Variants in GRM5 observed in about 807,000 individuals in gnomAD.
GRM5 encodes the protein glutamate metabotropic receptor 5.
Under a neutral mutation model 83.1 loss-of-function variants are expected in GRM5, and 19 were observed. The ratio of observed to expected loss-of-function variants is 0.23; its 90% CI spans 0.16 to 0.34. The LOEUF (loss-of-function observed/expected upper bound fraction) is 0.34. Ranked by LOEUF, GRM5 falls within the 10% of genes least tolerant of loss-of-function variation. The pLI, the probability that GRM5 is intolerant of heterozygous loss-of-function variation, is 1.00. For missense variants in GRM5, 1,160 were observed against 1,588.3 expected (o/e 0.73, Z 4.58); for synonymous variants, 675 against 633.6 (o/e 1.07, Z -0.98).
intron 3 of GRM5, among the ~76,000 whole-genome samples, chr11:88,728,347 G>A (rs1287580181): frequency 1.3e-5 from 2 of 151,970 alleles, no homozygotes; most frequent in Non-Finnish European, 2.9e-5. Flanking sequence ...TCCCTGAATA[G>A]ACTAATAACA....
intron 8 of GRM5, among the ~76,000 whole-genome samples, chr11:88,551,478 C>T (rs1942505478): frequency 6.6e-6 from 1 of 152,128 alleles, no homozygotes; most frequent in Non-Finnish European, 1.5e-5. Context: ...ATTAATTTTC[C>T]CTGATAGTAA....
At chr11:88,779,438 GAAGTT>G (rs1254775652) in intron 3 of GRM5, among the ~76,000 whole-genome samples, 1 of 152,194 alleles carries the variant, frequency 6.6e-6, no homozygotes. Context: ...TACTGCAACA[GAAGTT>G]AAGGAGGAAG....
chr11:88,668,297 G>GCGCACACACA (rs1391845794), intron 3 of GRM5, among the ~76,000 whole-genome samples: 5 of 130,034 alleles, frequency 3.8e-5, no homozygotes, highest in African/African-American at 1.5e-4. Flanking sequence ...CCAGAAACTC[G>GCGCACACACA]CACACACACA....
At chr11:88,687,920 T>C (rs924000862) in intron 3 of GRM5, among the ~76,000 whole-genome samples, 9 of 152,078 alleles carry the variant, frequency 5.9e-5, no homozygotes, top group Non-Finnish European at 1.2e-4. Context: ...AATTGCAATC[T>C]TCCTTCCGCC....
At position 88,511,477 on chromosome 11, in the gene GRM5, C is replaced by T. The variant is rs147257799; in HGVS notation, c.2727-1973G>A. Among the ~76,000 whole-genome samples the T allele has an allele frequency of 5.9e-3, 902 of 152,316 alleles. 11 individuals are homozygous for T. Among genetic ancestry groups the T allele is most frequent in the African/African-American group, 0.02 (849 of 41,572 alleles). On this transcript the variant is annotated intron_variant, in intron 9 of 9. Coordinates refer to ENST00000305447, the MANE Select transcript of GRM5 (RefSeq NM_001143831.3). Reference sequence around the variant, plus strand: ...CCTTTCTACTTCATGGTCTTTCTTTCTCCGCTCTTTCCTGTGAAATTTCTT... The same window carrying T: ...CCTTTCTACTTCATGGTCTTTCTTTTTCCGCTCTTTCCTGTGAAATTTCTT...
At position 88,650,419 on chromosome 11, in the gene GRM5, C is replaced by T. The variant is rs534618761; in HGVS notation, c.1147+2749G>A. ...TCTTGAACAGACACAAAAGAGGATA[C>T]CAGCTTTCCAAAAACATGAAAAGGA... On this transcript the variant is annotated intron_variant, in intron 4 of 9. Transcript: ENST00000305447. Among the ~76,000 whole-genome samples, 6 of 151,940 alleles carry T rather than the reference C, an allele frequency of 3.9e-5. No homozygotes were observed. In the East Asian group the frequency reaches 7.7e-4, roughly 20 times the overall value.
intron 4 of GRM5, among the ~76,000 whole-genome samples, chr11:88,642,428 C>T (rs1260629418): frequency 6.6e-6 from 1 of 152,112 alleles, no homozygotes; most frequent in African/African-American, 2.4e-5. Context: ...GCACTTGGTT[C>T]CCTTTTAGTT....
At chr11:88,629,625 C>T (rs979940700) in intron 4 of GRM5, among the ~76,000 whole-genome samples, 2 of 152,134 alleles carry the variant, frequency 1.3e-5, no homozygotes, top group Admixed American at 1.3e-4. Flanking sequence ...CTTACCCATA[C>T]CACACTCGCT....
intron 2 of GRM5, among the ~76,000 whole-genome samples, chr11:88,969,692 T>G (rs1939108138): frequency 6.6e-6 from 1 of 152,184 alleles, no homozygotes. Flanking sequence ...TTACATCTTT[T>G]GCTTTAGACA....
chr11:88,790,290 C>T (rs891210515), intron 3 of GRM5, among the ~76,000 whole-genome samples: 2 of 152,294 alleles, frequency 1.3e-5, no homozygotes, highest in African/African-American at 2.4e-5. Context: ...AAACACAGAA[C>T]ATCACACACT....
At chr11:89,056,505 A>G (rs1417806393) in intron 1 of GRM5, among the ~76,000 whole-genome samples, 3 of 152,178 alleles carry the variant, frequency 2.0e-5, no homozygotes, top group African/African-American at 7.2e-5. Context: ...TTGATCTCAC[A>G]TCTACCTAAA....
chr11:88,650,323 T>C (rs1376162586), intron 4 of GRM5, among the ~76,000 whole-genome samples: 1 of 151,996 alleles, frequency 6.6e-6, no homozygotes, highest in Non-Finnish European at 1.5e-5. Context: ...AAAGGACTCA[T>C]GTCCATACTA....
chr11:88,959,033 A>G (rs182846345), intron 2 of GRM5, among the ~76,000 whole-genome samples: 1 of 152,288 alleles, frequency 6.6e-6, no homozygotes, highest in Admixed American at 6.5e-5. Flanking sequence ...GAAAGCCTAC[A>G]GAAAATTCGA....
At chr11:88,997,210 C>G (rs1483302270) in intron 2 of GRM5, among the ~76,000 whole-genome samples, 1 of 151,570 alleles carries the variant, frequency 6.6e-6, no homozygotes, top group Non-Finnish European at 1.5e-5. Context: ...GCCTGTAATC[C>G]CAGCTACTTG....
At chr11:88,577,945 T>C (rs950289724) in intron 7 of GRM5, among the ~76,000 whole-genome samples, 1 of 152,042 alleles carries the variant, frequency 6.6e-6, no homozygotes, top group African/African-American at 2.4e-5. Flanking sequence ...GAGGACCATA[T>C]AAAATAAATT....
chr11:88,847,659 G>C (rs1357693302), intron 3 of GRM5, among the ~76,000 whole-genome samples: 1 of 151,964 alleles, frequency 6.6e-6, no homozygotes, highest in East Asian at 1.9e-4. Flanking sequence ...GAGTAAGGAA[G>C]ACCTAACAAA....
chr11:88,629,551 T>G (rs961315954), intron 4 of GRM5, among the ~76,000 whole-genome samples: 14 of 152,156 alleles, frequency 9.2e-5, no homozygotes, highest in African/African-American at 3.4e-4. Flanking sequence ...AACCTCTTCA[T>G]GATGGACTCT....
intron 2 of GRM5, among the ~76,000 whole-genome samples, chr11:88,859,080 T>G (rs1944520458): frequency 1.3e-5 from 2 of 152,028 alleles, no homozygotes; most frequent in African/African-American, 2.4e-5. Flanking sequence ...TTTACACTCT[T>G]TTTTTTAAAA....
At chr11:88,959,016 T>C (rs367632336) in intron 2 of GRM5, among the ~76,000 whole-genome samples, 8 of 152,230 alleles carry the variant, frequency 5.3e-5, no homozygotes, top group African/African-American at 1.9e-4. Flanking sequence ...TGTGATACCA[T>C]GTGTCAGAAA....
Sources: allele counts gnomAD v4.1 joint callset (sites outside exome capture counted in the v4.1 genomes callset), GRCh38; gene constraint gnomAD v4.1.1; transcripts MANE v1.5; gene names NCBI Gene and HGNC (gene_info 2026-07-23, HGNC 2026-07-21).